The following SP140 variants were observed in gnomAD, a reference collection of about 807,000 sequenced individuals.
SP140 encodes SP140 nuclear body protein.
A neutral mutation model predicts 125.0 loss-of-function variants in SP140; 81 were observed. The ratio of observed to expected loss-of-function variants is 0.65; its 90% CI spans 0.54 to 0.78. SP140 has a LOEUF of 0.78. Among genes scored for constraint, SP140 ranks in the 30% least tolerant of loss-of-function variants. The pLI is 0.00. For synonymous variants in SP140, 312 were observed against 354.0 expected (o/e 0.88, Z 1.33); for missense variants, 858 against 1,037.0 (o/e 0.83, Z 2.37).
chr2:230,285,551 C>A (rs2056265416), intron 16 of SP140, among the ~76,000 whole-genome samples: 3 of 152,160 alleles, frequency 2.0e-5, no homozygotes, highest in Admixed American at 2.0e-4. Flanking sequence ...TGTATGTAGA[C>A]AAATTCTAAG....
At chr2:230,308,012 CACACAG>C (rs1427996232) in intron 22 of SP140, among the ~76,000 whole-genome samples, 2 of 134,158 alleles carry the variant, frequency 1.5e-5, no homozygotes, top group East Asian at 4.0e-4. Flanking sequence ...CACACACACA[CACACAG>C]AGACACACAC....
At chr2:230,244,632 G>C (rs1430372163) in intron 5 of SP140, among the ~76,000 whole-genome samples, 1 of 152,154 alleles carries the variant, frequency 6.6e-6, no homozygotes, top group South Asian at 2.1e-4. Context: ...AAGAAATCCA[G>C]AAGAAGAGAA....
intron 1 of SP140, among the ~76,000 whole-genome samples, chr2:230,235,715 C>T (rs953072457): frequency 1.3e-5 from 2 of 152,122 alleles, no homozygotes; most frequent in African/African-American, 4.8e-5. Flanking sequence ...ATCAGAACTA[C>T]AAACTTTTGT....
intron 21 of SP140, among the ~76,000 whole-genome samples, chr2:230,294,659 C>G (rs1376967633): frequency 1.3e-5 from 2 of 152,150 alleles, no homozygotes; most frequent in Non-Finnish European, 2.9e-5. Flanking sequence ...AAAAATATTT[C>G]ATAGTAAGGT....
At chr2:230,264,935 C>A (rs2052829118) in intron 12 of SP140, among the ~76,000 whole-genome samples, 1 of 152,100 alleles carries the variant, frequency 6.6e-6, no homozygotes, top group South Asian at 2.1e-4. Context: ...TATTTTTGTG[C>A]TGGTTGGCCT....
intron 11 of SP140, among the ~76,000 whole-genome samples, chr2:230,255,139 T>G (rs1185258666): frequency 6.6e-6 from 1 of 152,048 alleles, no homozygotes; most frequent in East Asian, 1.9e-4. Flanking sequence ...GAGAAGCACC[T>G]GGAGCCACTG....
At chr2:230,202,942 C>G, upstream of SP140, 1 of 594,930 alleles carries the variant, frequency 1.7e-6, no homozygotes, top group Admixed American at 2.8e-5. Flanking sequence ...CATCTGCTTT[C>G]ACTCCTGGTA....
At chr2:230,311,253 T>TTA in intron 25 of SP140, 22 bp downstream of exon 25, 1 of 1,583,466 alleles carries the variant, frequency 6.3e-7, no homozygotes, top group Admixed American at 1.9e-5. Flanking sequence ...CAGCAACCCA[T>TTA]GATTACAGGC....
At chr2:230,246,259 A>T (rs2049438614) in intron 7 of SP140, among the ~76,000 whole-genome samples, 1 of 152,206 alleles carries the variant, frequency 6.6e-6, no homozygotes, top group Admixed American at 6.5e-5. Flanking sequence ...GCTTTCCTGC[A>T]TATAGGACAT....
upstream of SP140, among the ~76,000 whole-genome samples, chr2:230,199,205 C>CTTTT (rs35807015): frequency 6.5e-4 from 58 of 89,442 alleles, no homozygotes; most frequent in East Asian, 1.1e-3. Context: ...ACATAATCCT[C>CTTTT]TTTTTTTTTT....
chr2:230,236,950 G>A (rs905412050), intron 1 of SP140, 133 bp from the exon 2 acceptor site: 1 of 547,912 alleles, frequency 1.8e-6, no homozygotes, highest in South Asian at 3.9e-5. Flanking sequence ...ATTCATTCTG[G>A]TCTCCCTACA....
the SP140 span, among the ~76,000 whole-genome samples, chr2:230,191,101 A>G: frequency 3.3e-4 from 50 of 152,102 alleles, no homozygotes; most frequent in Non-Finnish European, 1.3e-4. Flanking sequence ...TGAAGAATGT[A>G]GAGACAATAT....
At chr2:230,254,441 A>C (rs1420941124) in intron 11 of SP140, among the ~76,000 whole-genome samples, 1 of 152,178 alleles carries the variant, frequency 6.6e-6, no homozygotes, top group Non-Finnish European at 1.5e-5. Flanking sequence ...TCAAGCATTT[A>C]ATATCTGTCT....
chr2:230,296,818 C>T (rs1382846898), intron 21 of SP140, among the ~76,000 whole-genome samples: 1 of 152,116 alleles, frequency 6.6e-6, no homozygotes, highest in Non-Finnish European at 1.5e-5. Flanking sequence ...AGTAAGAGGA[C>T]AAGTAGAGCT....
chr2:230,240,713 A>T (rs532471651), intron 3 of SP140, among the ~76,000 whole-genome samples: 2 of 152,338 alleles, frequency 1.3e-5, no homozygotes. Flanking sequence ...GCTGGTAGGA[A>T]TGTAAAATGA....
intron 4 of SP140, among the ~76,000 whole-genome samples, chr2:230,242,428 A>G (rs1235103300): frequency 2.0e-5 from 3 of 152,186 alleles, no homozygotes; most frequent in African/African-American, 7.2e-5. Flanking sequence ...TGGCACTTGC[A>G]TGATACTCAG....
At chr2:230,239,069 A>C (rs2048361685) in intron 3 of SP140, 1 of 1,393,540 alleles carries the variant, frequency 7.2e-7, no homozygotes, top group East Asian at 2.6e-5. Context: ...AGGGCATTTA[A>C]ACGGGAAAAG....
At chr2:230,258,175 T>C (rs1559275999) in intron 12 of SP140, among the ~76,000 whole-genome samples, 1 of 152,154 alleles carries the variant, frequency 6.6e-6, no homozygotes, top group African/African-American at 2.4e-5. Context: ...TTAGGAAATC[T>C]CTCATCTAAA....
intron 15 of SP140, among the ~76,000 whole-genome samples, chr2:230,283,752 T>G (rs2055961812): frequency 6.6e-6 from 1 of 152,202 alleles, no homozygotes; most frequent in African/African-American, 2.4e-5. Context: ...ATGGCCCAGA[T>G]GGCCAGTTTG....
Sources: allele counts gnomAD v4.1 joint callset (sites outside exome capture counted in the v4.1 genomes callset), GRCh38; gene constraint gnomAD v4.1.1; transcripts MANE v1.5; gene names NCBI Gene and HGNC (gene_info 2026-07-23, HGNC 2026-07-21).